Variants in ARHGAP21 observed in about 807,000 individuals in gnomAD.
ARHGAP21 encodes the protein Rho GTPase activating protein 21.
In ARHGAP21, 38 loss-of-function variants were observed where a neutral mutation model predicts 164.6. That is an observed-to-expected ratio of 0.23 (90% CI 0.18 to 0.30). ARHGAP21 has a LOEUF of 0.30. Among genes scored for constraint, ARHGAP21 ranks in the 10% least tolerant of loss-of-function variants. ARHGAP21 has a pLI of 1.00. For synonymous variants in ARHGAP21, 766 were observed against 857.9 expected (o/e 0.89, Z 1.87); for missense variants, 1,822 against 2,370.7 (o/e 0.77, Z 4.81).
At chr10:24,708,364 C>G (rs1180864421) in intron 2 of ARHGAP21, among the ~76,000 whole-genome samples, 1 of 152,190 alleles carries the variant, frequency 6.6e-6, no homozygotes, top group Non-Finnish European at 1.5e-5. Flanking sequence ...ACTTGCTAGA[C>G]CAACCAAAAT....
At chr10:24,628,433 T>A (rs1390023369) in intron 7 of ARHGAP21, among the ~76,000 whole-genome samples, 3 of 149,478 alleles carry the variant, frequency 2.0e-5, no homozygotes, top group Non-Finnish European at 4.5e-5. Context: ...TTTTTTTTTT[T>A]ATAAAACATG....
intron 2 of ARHGAP21, among the ~76,000 whole-genome samples, chr10:24,688,285 AG>A: frequency 6.6e-6 from 1 of 152,260 alleles, no homozygotes; most frequent in African/African-American, 2.4e-5. Flanking sequence ...CCAGGTACTC[AG>A]GAGGCTGGGG....
intron 24 of ARHGAP21, 148 bp downstream of exon 24, chr10:24,591,076 GA>G: frequency 4.1e-6 from 4 of 974,270 alleles, no homozygotes; most frequent in East Asian, 2.8e-5. Flanking sequence ...AGATCAATTG[GA>G]AAAGGAAGAT....
chr10:24,713,481 A>G (rs575764565), intron 2 of ARHGAP21, among the ~76,000 whole-genome samples: 3 of 152,128 alleles, frequency 2.0e-5, no homozygotes, highest in Non-Finnish European at 4.4e-5. Flanking sequence ...TGATCTGTCT[A>G]CTTACCCCGA....
intron 4 of ARHGAP21, among the ~76,000 whole-genome samples, chr10:24,642,489 T>G (rs1593138078): frequency 7.9e-6 from 1 of 126,276 alleles, no homozygotes; most frequent in Non-Finnish European, 1.6e-5. Context: ...CACTCCAGCC[T>G]GGGCGACAGA....
At chr10:24,722,461 T>G in intron 1 of ARHGAP21, 182 bp from the exon 2 acceptor site, 1 of 156,310 alleles carries the variant, frequency 6.4e-6, no homozygotes, top group Admixed American at 6.1e-5. Flanking sequence ...ATCTCGAAAC[T>G]GCCCAGCGGT....
At chr10:24,716,774 A>G (rs1187373507) in intron 2 of ARHGAP21, among the ~76,000 whole-genome samples, 7 of 152,224 alleles carry the variant, frequency 4.6e-5, no homozygotes, top group South Asian at 2.1e-4. Flanking sequence ...CCAGATCCAC[A>G]TGTCATATAT....
intron 4 of ARHGAP21, among the ~76,000 whole-genome samples, chr10:24,648,285 A>G (rs898517691): frequency 1.3e-5 from 2 of 152,244 alleles, no homozygotes; most frequent in Non-Finnish European, 2.9e-5. Context: ...AATCACTCAG[A>G]TTGTCTCCAA....
At chr10:24,594,719 T>C (rs2076505238) in intron 21 of ARHGAP21, among the ~76,000 whole-genome samples, 1 of 152,208 alleles carries the variant, frequency 6.6e-6, no homozygotes, top group African/African-American at 2.4e-5. Context: ...TTCTGACTTT[T>C]TCATTTTTCT....
rs2076522334 is a variant in ARHGAP21, at chr10:24,595,113, C to T, written c.3786+4G>A. Reference sequence around the variant, plus strand: ...TATCCCCCAAAATATAAAATAATACCTACTAGTCTTTTTAATGTTTTCAGA... The same window carrying T: ...TATCCCCCAAAATATAAAATAATACTTACTAGTCTTTTTAATGTTTTCAGA... On this transcript the variant is annotated splice_donor_region_variant and intron_variant, in intron 20 of 25. Transcript: ENST00000396432. 3 of 1,609,262 alleles carry T rather than the reference C, an allele frequency of 1.9e-6. No homozygotes were observed. The highest frequency in any genetic ancestry group is 2.7e-5 in the African/African-American group (2 of 74,748).
chr10:24,597,149 G>C (rs1448722105), intron 16 of ARHGAP21, among the ~76,000 whole-genome samples: 1 of 151,572 alleles, frequency 6.6e-6, no homozygotes, highest in Non-Finnish European at 1.5e-5. Flanking sequence ...TCAACAAAGG[G>C]AAAAGTAATA....
In ARHGAP21 at chr10:24,620,361, C is replaced by G. The variant is rs779491397; in HGVS notation, c.1534G>C (p.Gly512Arg). The G allele has an allele frequency of 6.2e-7, 1 of 1,613,578 alleles. No homozygotes were observed. Among genetic ancestry groups the G allele is most frequent in the African/African-American group, 1.3e-5 (1 of 74,870 alleles). The change falls in exon 9 of 26, where the codon GGA becomes CGA. Residue 512 changes from glycine (G) to arginine (R), a missense_variant. Gly to Arg is a moderately radical substitution (Grantham distance 125). Coordinates refer to ENST00000396432, the MANE Select transcript of ARHGAP21 (RefSeq NM_020824.4). ...CCATTGGAATCAGGTATTGGAGTTC[C>G]AGAATTGACATTTTCTAAGGTTTCA... Reference protein sequence around the residue: ...QDETLENVNSGTPIPDSNGEK... With the variant: ...QDETLENVNSRTPIPDSNGEK...
chr10:24,667,206 T>G (rs771944002), intron 3 of ARHGAP21, among the ~76,000 whole-genome samples, 197 bp from the exon 4 acceptor site: 1 of 152,206 alleles, frequency 6.6e-6, no homozygotes, highest in African/African-American at 2.4e-5. Context: ...CCATCTTCAA[T>G]AACAGTATAG....
At chr10:24,634,283 T>C (rs1407708051) in intron 5 of ARHGAP21, among the ~76,000 whole-genome samples, 1 of 152,196 alleles carries the variant, frequency 6.6e-6, no homozygotes, top group Non-Finnish European at 1.5e-5. Context: ...TACATCCTTA[T>C]AAATCTTAGC....
chr10:24,651,176 C>T (rs888262676), intron 4 of ARHGAP21, among the ~76,000 whole-genome samples: 3 of 152,170 alleles, frequency 2.0e-5, no homozygotes, highest in Non-Finnish European at 4.4e-5. Flanking sequence ...CCCCAGCTGC[C>T]GCCCTTTGGA....
At chr10:24,644,445 C>A (rs1363991759) in intron 4 of ARHGAP21, among the ~76,000 whole-genome samples, 2 of 152,170 alleles carry the variant, frequency 1.3e-5, no homozygotes, top group Non-Finnish European at 2.9e-5. Flanking sequence ...CTGCCAACTA[C>A]CCCACCCTGA....
intron 2 of ARHGAP21, among the ~76,000 whole-genome samples, chr10:24,712,267 G>A (rs750382052): frequency 1.3e-5 from 2 of 152,100 alleles, no homozygotes; most frequent in African/African-American, 2.4e-5. Flanking sequence ...GACCTTACAA[G>A]AGAAAGGCAG....
At chr10:24,722,540 T>A (rs1846031450) in intron 1 of ARHGAP21, 1 of 154,250 alleles carries the variant, frequency 6.5e-6, no homozygotes, top group East Asian at 1.9e-4. Flanking sequence ...TGCATTTTAA[T>A]TCATGTCTTT....
intron 4 of ARHGAP21, among the ~76,000 whole-genome samples, chr10:24,641,804 G>T (rs1837056751): frequency 1.3e-5 from 2 of 151,946 alleles, no homozygotes; most frequent in Admixed American, 1.3e-4. Flanking sequence ...GACCAGCCTG[G>T]CTAAGATGGT....
Sources: gnomAD v4.1 joint callset for allele counts (sites outside exome capture counted in the v4.1 genomes callset) on GRCh38, gnomAD v4.1.1 for gene constraint, MANE v1.5 for transcripts, NCBI Gene and HGNC (gene_info 2026-07-23, HGNC 2026-07-21) for gene names.